The following FGF12 variants were observed in gnomAD, a reference collection of about 807,000 sequenced individuals.
FGF12 encodes fibroblast growth factor 12B.
Under a neutral mutation model 23.6 loss-of-function variants are expected in FGF12, and 14 were observed. The observed-to-expected ratio is 0.59, with a 90% CI of 0.39 to 0.93. The LOEUF (loss-of-function observed/expected upper bound fraction) is 0.93, where lower values mean the gene tolerates loss of function less well. Ranked by LOEUF, FGF12 falls within the 40% of genes least tolerant of loss-of-function variation. FGF12 has a pLI of 0.00. For synonymous variants in FGF12, 62 were observed against 77.3 expected (o/e 0.80, Z 1.04); for missense variants, 175 against 217.8 (o/e 0.80, Z 1.24).
At chr3:192,428,531 C>A (rs536480606) in intron 2 of FGF12, among the ~76,000 whole-genome samples, 11 of 152,160 alleles carry the variant, frequency 7.2e-5, no homozygotes, top group Non-Finnish European at 7.4e-5. Context: ...AGAAAAAACA[C>A]TGCTTGGAAT....
intron 2 of FGF12, among the ~76,000 whole-genome samples, chr3:192,362,402 G>A (rs1439042613): frequency 2.3e-5 from 3 of 132,538 alleles, no homozygotes; most frequent in African/African-American, 5.7e-5. Context: ...TCCACCCCAC[G>A]ACAGTCCCAG....
At chr3:192,631,156 G>A (rs1397794275) in intron 2 of FGF12, among the ~76,000 whole-genome samples, 2 of 151,684 alleles carry the variant, frequency 1.3e-5, no homozygotes, top group Non-Finnish European at 1.5e-5. Flanking sequence ...ATCTTTTTTT[G>A]CTAACCTGCT....
intron 2 of FGF12, among the ~76,000 whole-genome samples, chr3:192,429,914 T>G (rs1721810883): frequency 6.6e-6 from 1 of 152,224 alleles, no homozygotes; most frequent in African/African-American, 2.4e-5. Context: ...ATATACCAGA[T>G]GCTTTCTTCA....
chr3:192,378,490 G>A (rs1489221201), intron 2 of FGF12, among the ~76,000 whole-genome samples: 1 of 152,032 alleles, frequency 6.6e-6, no homozygotes, highest in African/African-American at 2.4e-5. Context: ...ATTTAAATAG[G>A]TAAACCTTAG....
At chr3:192,543,649 C>A (rs939866907) in intron 2 of FGF12, among the ~76,000 whole-genome samples, 2 of 152,002 alleles carry the variant, frequency 1.3e-5, no homozygotes, top group Non-Finnish European at 2.9e-5. Flanking sequence ...CTTTGAGTCT[C>A]ACCCAAGGCC....
chr3:192,520,390 T>C (rs1724787921), intron 2 of FGF12, among the ~76,000 whole-genome samples: 1 of 152,216 alleles, frequency 6.6e-6, no homozygotes, highest in African/African-American at 2.4e-5. Flanking sequence ...AATCCTACTA[T>C]ACACTTAAGG....
At chr3:192,466,212 C>T (rs1019486097) in intron 2 of FGF12, among the ~76,000 whole-genome samples, 6 of 152,198 alleles carry the variant, frequency 3.9e-5, no homozygotes, top group Admixed American at 2.0e-4. Flanking sequence ...AGAAAACATA[C>T]GGTAAAAATA....
chr3:192,488,004 T>C (rs1036089227), intron 2 of FGF12, among the ~76,000 whole-genome samples: 2 of 152,070 alleles, frequency 1.3e-5, no homozygotes, highest in African/African-American at 4.8e-5. Context: ...GATGGCTAAA[T>C]GGAAAACCAT....
intron 2 of FGF12, among the ~76,000 whole-genome samples, chr3:192,711,056 G>A (rs1289365060): frequency 6.6e-6 from 1 of 152,180 alleles, no homozygotes; most frequent in Non-Finnish European, 1.5e-5. Flanking sequence ...AGAGCTTCCA[G>A]TCACCTTTTT....
At position 192,459,667 on chromosome 3, in the gene FGF12, T is replaced by C. The variant is rs115702019; in HGVS notation, c.14-99129A>G. Among the ~76,000 whole-genome samples the C allele has an allele frequency of 2.0e-3, 298 of 152,294 alleles. 2 individuals are homozygous for C. The highest frequency in any genetic ancestry group is 7.0e-3 in the African/African-American group (291 of 41,556). ...TTCAAATATTAAAGTGGATTAATAA[T>C]AGAATCAAATTTAGAATGGTTGCAT... On this transcript the variant is annotated intron_variant, in intron 2 of 5. Coordinates refer to ENST00000445105, the MANE Select transcript of FGF12 (RefSeq NM_004113.6).
intron 4 of FGF12, among the ~76,000 whole-genome samples, chr3:192,267,825 A>C (rs940296260): frequency 6.6e-5 from 10 of 152,194 alleles, no homozygotes. Flanking sequence ...TTTCTGTGCT[A>C]TTCAAAATCA....
intron 4 of FGF12, among the ~76,000 whole-genome samples, chr3:192,187,444 G>A (rs1408065611): frequency 6.6e-6 from 1 of 152,146 alleles, no homozygotes; most frequent in Non-Finnish European, 1.5e-5. Flanking sequence ...AGGTTAATGT[G>A]AAGTTGACCA....
rs374297621 is a variant in FGF12, at chr3:192,257,672, G to T, written c.228+77689C>A. On this transcript the variant is annotated intron_variant, in intron 4 of 5. Transcript: ENST00000445105. ...AGTTAACCAAATGTTCTAGTTATTT[G>T]ACTAGGGAGGGTTTTTTGTTTGTGT... 6.6e-5 allele frequency among the ~76,000 whole-genome samples: 10 copies of T among 152,198 alleles called. No individual in the cohort carries two copies. In the East Asian group the frequency reaches 1.9e-3, roughly 29 times the overall value.
At chr3:192,353,093 A>C (rs564684143) in intron 3 of FGF12, among the ~76,000 whole-genome samples, 1 of 152,182 alleles carries the variant, frequency 6.6e-6, no homozygotes, top group Non-Finnish European at 1.5e-5. Flanking sequence ...ATGTTGTACT[A>C]TCTGAATTTG....
intron 4 of FGF12, among the ~76,000 whole-genome samples, chr3:192,248,662 C>T (rs1711799876): frequency 6.6e-6 from 1 of 152,128 alleles, no homozygotes; most frequent in African/African-American, 2.4e-5. Context: ...CCTGTGGTCC[C>T]AGCTACTCAT....
intron 2 of FGF12, among the ~76,000 whole-genome samples, chr3:192,489,976 T>C (rs1448776668): frequency 6.6e-6 from 1 of 152,076 alleles, no homozygotes; most frequent in Non-Finnish European, 1.5e-5. Flanking sequence ...CCCCTGAATT[T>C]AAAATAAAAG....
At chr3:192,375,557 T>C (rs897021016) in intron 2 of FGF12, among the ~76,000 whole-genome samples, 1 of 152,192 alleles carries the variant, frequency 6.6e-6, no homozygotes, top group Non-Finnish European at 1.5e-5. Flanking sequence ...GTATTTTAGT[T>C]CTGGTTTCTT....
intron 2 of FGF12, among the ~76,000 whole-genome samples, chr3:192,458,463 A>G (rs902542598): frequency 3.3e-5 from 5 of 152,166 alleles, no homozygotes; most frequent in African/African-American, 1.2e-4. Context: ...TGGATGTGAG[A>G]CCTGGAGTCA....
chr3:192,694,543 A>G (rs1246492417), intron 2 of FGF12, among the ~76,000 whole-genome samples: 2 of 152,060 alleles, frequency 1.3e-5, no homozygotes, highest in African/African-American at 2.4e-5. Flanking sequence ...GTATATACAT[A>G]TATGTGTGTG....
Sources: allele counts gnomAD v4.1 joint callset (sites outside exome capture counted in the v4.1 genomes callset), GRCh38; gene constraint gnomAD v4.1.1; transcripts MANE v1.5; gene names NCBI Gene and HGNC (gene_info 2026-07-23, HGNC 2026-07-21).